TEKT5: variants seen among roughly 807,000 people sequenced by gnomAD.
TEKT5 encodes tektin 5.
In TEKT5, 52 loss-of-function variants were observed where a neutral mutation model predicts 48.7. The ratio of observed to expected loss-of-function variants is 1.07; its 90% CI spans 0.86 to 1.35. The LOEUF (loss-of-function observed/expected upper bound fraction) is 1.35, where lower values mean the gene tolerates loss of function less well. Ranked by LOEUF, TEKT5 falls within the 40% of genes most tolerant of loss-of-function variation. TEKT5 has a pLI of 0.00. For missense variants in TEKT5, 831 were observed against 641.6 expected (o/e 1.30, Z -3.19); for synonymous variants, 318 against 267.6 (o/e 1.19, Z -1.84).
chr16:10,694,163 A>C, intron 1 of TEKT5, 147 bp downstream of exon 1: 2 of 717,876 alleles, frequency 2.8e-6, no homozygotes, highest in Non-Finnish European at 2.3e-6. Context: ...TGAATTGACT[A>C]AGATTGTATT....
chr16:10,656,738 A>T (rs1203189792), intron 5 of TEKT5, among the ~76,000 whole-genome samples: 1 of 152,048 alleles, frequency 6.6e-6, no homozygotes, highest in Non-Finnish European at 1.5e-5. Flanking sequence ...GTACATGCAA[A>T]CTACTTTTTG....
Position 10,694,708 on chromosome 16 carries a change from A to G in TEKT5, c.166T>C (p.Tyr56His), listed in dbSNP as rs370606973. The change falls in exon 1 of 7, where the codon TAC (tyrosine) becomes CAC (histidine). Residue 56 changes from tyrosine to histidine, a missense_variant. Tyr to His is a moderately conservative substitution (Grantham distance 83, BLOSUM62 2). Coordinates refer to ENST00000283025, the MANE Select transcript of TEKT5 (RefSeq NM_144674.2). ...YLNSWRPSLF[Y>H]KIANVQTCPD... ...CAGGTCTGGACGTTGGCTATCTTGT[A>G]GAAGAGGCTAGGCCTCCATGAATTG... The G allele has an allele frequency of 6.2e-7, 1 of 1,613,826 alleles. No homozygotes were observed. Among genetic ancestry groups the G allele is most frequent in the Non-Finnish European group, 8.5e-7 (1 of 1,179,894 alleles).
chr16:10,659,006 C>T (rs962862233), intron 5 of TEKT5, among the ~76,000 whole-genome samples: 7 of 152,230 alleles, frequency 4.6e-5, no homozygotes, highest in Non-Finnish European at 7.3e-5. Context: ...ATGTGAGCCA[C>T]GGTGCCCAGT....
Position 10,694,458 on chromosome 16 carries a change from C to T in TEKT5, c.416G>A (p.Arg139Gln), listed in dbSNP as rs773758386. The change falls in exon 1 of 7, where the codon CGG becomes CAG. Residue 139 changes from arginine to glutamine, a missense_variant. Arg to Gln is a conservative substitution (Grantham distance 43, BLOSUM62 1). Transcript: ENST00000283025. Reference sequence around the variant, plus strand: ...GTCCGACAGCCTCTGGCCCAGGTTCCGGCAGGTGCCCTCCTGCATCTGGTG... The same window carrying T: ...GTCCGACAGCCTCTGGCCCAGGTTCTGGCAGGTGCCCTCCTGCATCTGGTG... ...LTHQMQEGTC[R>Q]NLGQRLSDIG... 17 of 1,614,046 alleles carry T rather than the reference C, an allele frequency of 1.1e-5. No individual in the cohort carries two copies. The highest frequency in any genetic ancestry group is 1.6e-4 in the Middle Eastern group (1 of 6,082).
At chr16:10,691,393 G>A in intron 1 of TEKT5, 1 of 152,502 alleles carries the variant, frequency 6.6e-6, no homozygotes, top group African/African-American at 2.4e-5. Context: ...AAAATATTCA[G>A]GGTGAGGTGA....
chr16:10,651,911 A>C (rs1162918356), intron 5 of TEKT5, among the ~76,000 whole-genome samples: 4 of 152,144 alleles, frequency 2.6e-5, no homozygotes, highest in African/African-American at 9.7e-5. Context: ...GCAGTGAGCC[A>C]AGATGGCACT....
At chr16:10,636,830 A>ATTATTATTATTATTATTATTATTATT (rs1897920670) in intron 5 of TEKT5, among the ~76,000 whole-genome samples, 1 of 150,818 alleles carries the variant, frequency 6.6e-6, no homozygotes, top group African/African-American at 2.4e-5. Context: ...TATTATTATT[A>ATTATTATTATTATTATTATTATTATT]TTTTGACAGG....
At chr16:10,683,677 G>A (rs889290149) in intron 3 of TEKT5, among the ~76,000 whole-genome samples, 34 of 152,204 alleles carry the variant, frequency 2.2e-4, no homozygotes, top group African/African-American at 6.5e-4. Flanking sequence ...TGCAACTTCC[G>A]CCTCCTGGGT....
chr16:10,692,021 G>A (rs1232212185), intron 1 of TEKT5, among the ~76,000 whole-genome samples: 1 of 152,094 alleles, frequency 6.6e-6, no homozygotes. Context: ...AAGGACAATG[G>A]ATTGGAAGGG....
chr16:10,630,051 T>G (rs562622654), intron 6 of TEKT5, among the ~76,000 whole-genome samples: 1 of 152,260 alleles, frequency 6.6e-6, no homozygotes, highest in South Asian at 2.1e-4. Flanking sequence ...TCCTCCAGCC[T>G]CAGCCTCCCA....
intron 5 of TEKT5, among the ~76,000 whole-genome samples, chr16:10,645,554 G>A: frequency 6.6e-6 from 1 of 152,178 alleles, no homozygotes; most frequent in South Asian, 2.1e-4. Flanking sequence ...TGTAATCCCA[G>A]CACTTTGGGA....
intron 5 of TEKT5, among the ~76,000 whole-genome samples, chr16:10,650,180 T>C (rs1898132380): frequency 6.6e-6 from 1 of 152,178 alleles, no homozygotes; most frequent in African/African-American, 2.4e-5. Flanking sequence ...CAAGCAATTC[T>C]CCTGCCTCTG....
At chr16:10,693,963 CTG>C (rs896989738) in intron 1 of TEKT5, among the ~76,000 whole-genome samples, 4 of 151,950 alleles carry the variant, frequency 2.6e-5, no homozygotes, top group East Asian at 1.9e-4. Flanking sequence ...GAGGGAGACT[CTG>C]TGTAAAAAAT....
In TEKT5 at chr16:10,676,194, A is replaced by G. The variant is rs1331710187; in HGVS notation, c.864-13T>C. The G allele has an allele frequency of 3.1e-6, 5 of 1,613,502 alleles. No homozygotes were observed. The highest frequency in any genetic ancestry group is 8.5e-7 in the Non-Finnish European group (1 of 1,179,464). ...AGGTACGGAGATCCTGCAAAGGCACAAGGGTGAGTTGCAGCAGTCCTGGAA... is the reference window on the plus strand; with the variant it reads ...AGGTACGGAGATCCTGCAAAGGCACGAGGGTGAGTTGCAGCAGTCCTGGAA... On this transcript the variant is annotated splice_polypyrimidine_tract_variant and intron_variant, in intron 4 of 6. Transcript: ENST00000283025.
intron 5 of TEKT5, among the ~76,000 whole-genome samples, chr16:10,662,800 C>T (rs1280338988): frequency 6.6e-6 from 1 of 152,162 alleles, no homozygotes; most frequent in Non-Finnish European, 1.5e-5. Context: ...AGGCAAATCA[C>T]TTTTTGTAAT....
intron 3 of TEKT5, among the ~76,000 whole-genome samples, chr16:10,686,618 GA>G (rs769965025): frequency 6.6e-6 from 1 of 152,050 alleles, no homozygotes; most frequent in Non-Finnish European, 1.5e-5. Flanking sequence ...TACATCAAAC[GA>G]AAAAGCTTCT....
intron 5 of TEKT5, among the ~76,000 whole-genome samples, chr16:10,653,436 C>T (rs1898203757): frequency 6.6e-6 from 1 of 152,228 alleles, no homozygotes; most frequent in Non-Finnish European, 1.5e-5. Context: ...GTTACTTCAC[C>T]TTCCTGAGCC....
intron 3 of TEKT5, among the ~76,000 whole-genome samples, chr16:10,686,594 T>C (rs1426680574): frequency 1.3e-5 from 2 of 151,504 alleles, no homozygotes; most frequent in Non-Finnish European, 2.9e-5. Flanking sequence ...AAAGCAAAAA[T>C]AGACAAATGA....
intron 5 of TEKT5, among the ~76,000 whole-genome samples, chr16:10,651,254 CAAG>C (rs561717955): frequency 1.1e-3 from 173 of 152,306 alleles, no homozygotes; most frequent in African/African-American, 3.8e-3. Context: ...GCTAAAAAGC[CAAG>C]AAGGCCTTCC....
Sources: gnomAD v4.1 joint callset for allele counts (sites outside exome capture counted in the v4.1 genomes callset) on GRCh38, gnomAD v4.1.1 for gene constraint, MANE v1.5 for transcripts, NCBI Gene and HGNC (gene_info 2026-07-23, HGNC 2026-07-21) for gene names.